The following CDH4 variants were observed in gnomAD, a reference collection of about 807,000 sequenced individuals.
The protein encoded by CDH4 is cadherin-4.
CDH4 carries 33 observed loss-of-function variants against 86.0 expected under a neutral mutation model. The observed-to-expected ratio is 0.38, with a 90% CI of 0.29 to 0.51. The LOEUF (loss-of-function observed/expected upper bound fraction) is 0.51, where lower values mean the gene tolerates loss of function less well. CDH4 is among the 20% of genes least tolerant of loss of function. The pLI is 0.86. For missense variants in CDH4, 1,114 were observed against 1,307.4 expected (o/e 0.85, Z 2.28); for synonymous variants, 555 against 549.4 (o/e 1.01, Z -0.14).
intron 2 of CDH4, among the ~76,000 whole-genome samples, chr20:61,444,477 G>A (rs1157402814): frequency 2.0e-5 from 3 of 151,658 alleles, no homozygotes; most frequent in Non-Finnish European, 2.9e-5. Flanking sequence ...CTGCATGAGT[G>A]TTTCTCTGTG....
rs1555859802 is a variant in CDH4, at chr20:61,923,773, T to TA, written c.1628+70dup. On this transcript the variant is annotated intron_variant, in intron 10 of 15. Coordinates refer to ENST00000614565, the MANE Select transcript of CDH4 (RefSeq NM_001794.5). ...GGTTCCATACAGAAGGGTCCAGAAA[T>TA]ACCCCATGAAACCCACAGCCCAGAA... is the stretch of plus-strand genomic sequence containing the variant. The TA allele has an allele frequency of 4.7e-6, 7 of 1,492,952 alleles. No individual in the cohort carries two copies. The Admixed American group carries it at 1.4e-4, about 29-fold the overall frequency. The allele number at this position is 1,492,952 out of a possible 1,614,324, so 92.5% of individuals were successfully genotyped here.
At chr20:61,928,947 T>C (rs1600786099) in intron 12 of CDH4, among the ~76,000 whole-genome samples, 2 of 152,270 alleles carry the variant, frequency 1.3e-5, no homozygotes, top group South Asian at 4.1e-4. Context: ...AAAGTCATTA[T>C]TTCCATTTGT....
intron 2 of CDH4, among the ~76,000 whole-genome samples, chr20:61,402,558 A>G (rs1436881237): frequency 6.6e-6 from 1 of 152,032 alleles, no homozygotes; most frequent in African/African-American, 2.4e-5. Flanking sequence ...TGCCCTGCTA[A>G]TTTTTGATTT....
At chr20:61,281,445 C>G (rs988577088) in intron 2 of CDH4, among the ~76,000 whole-genome samples, 3 of 152,228 alleles carry the variant, frequency 2.0e-5, no homozygotes, top group Non-Finnish European at 2.9e-5. Flanking sequence ...GACACGGAAC[C>G]TGCCGGCGCC....
intron 4 of CDH4, among the ~76,000 whole-genome samples, chr20:61,820,757 G>A (rs1343377585): frequency 6.6e-6 from 1 of 152,260 alleles, no homozygotes; most frequent in East Asian, 1.9e-4. Context: ...CCCCTCCCAA[G>A]ACCCTCATCA....
At chr20:61,804,167 A>T (rs1979995197) in intron 4 of CDH4, among the ~76,000 whole-genome samples, 1 of 152,234 alleles carries the variant, frequency 6.6e-6, no homozygotes, top group African/African-American at 2.4e-5. Flanking sequence ...TCCTGCCTGC[A>T]TGGCGGCCTG....
Position 61,743,545 on chromosome 20 carries a change from C to A in CDH4, c.170-18C>A. On this transcript the variant is annotated intron_variant, in intron 2 of 15. Transcript: ENST00000614565. ...TGCTGGCCAAGCCGACCCTGACTCT[C>A]TCCCCCTCCTCTTGCAGTCAAGTTC... is the stretch of plus-strand genomic sequence containing the variant. 1 of 1,548,592 alleles carries A rather than the reference C, an allele frequency of 6.5e-7. No individual in the cohort carries two copies. The highest frequency in any genetic ancestry group is 8.7e-7 in the Non-Finnish European group (1 of 1,143,206).
At chr20:61,859,409 G>T (rs1206994797) in intron 6 of CDH4, among the ~76,000 whole-genome samples, 1 of 152,218 alleles carries the variant, frequency 6.6e-6, no homozygotes, top group African/African-American at 2.4e-5. Context: ...AGGAAGTCCA[G>T]TTTATCCATG....
intron 2 of CDH4, among the ~76,000 whole-genome samples, chr20:61,331,698 G>GGCCCACCTCCTGCCCCGACCACCTGCCCC (rs1568801283): frequency 7.0e-6 from 1 of 143,012 alleles, no homozygotes; most frequent in Non-Finnish European, 1.5e-5. Context: ...ACCTGCCCCA[G>GGCCCACCTCCTGCCCCGACCACCTGCCCC]AGCCACCTCC....
intron 2 of CDH4, among the ~76,000 whole-genome samples, chr20:61,402,936 A>G (rs556895757): frequency 1.3e-5 from 2 of 152,338 alleles, no homozygotes; most frequent in East Asian, 1.9e-4. Flanking sequence ...ACATAGGACA[A>G]TAATCCACCC....
chr20:61,461,756 C>T (rs962920054), intron 2 of CDH4, among the ~76,000 whole-genome samples: 4 of 152,212 alleles, frequency 2.6e-5, no homozygotes, highest in East Asian at 1.9e-4. Context: ...TTGTCCCCAA[C>T]GGAGACGCAT....
intron 2 of CDH4, among the ~76,000 whole-genome samples, chr20:61,322,044 G>A (rs1317809802): frequency 6.6e-6 from 1 of 152,158 alleles, no homozygotes; most frequent in Non-Finnish European, 1.5e-5. Context: ...CCCCATGCTT[G>A]AGGTTACGTG....
chr20:61,868,206 G>C (rs1983635750), intron 6 of CDH4, among the ~76,000 whole-genome samples: 1 of 152,194 alleles, frequency 6.6e-6, no homozygotes, highest in African/African-American at 2.4e-5. Flanking sequence ...GTGCAGAGGG[G>C]GTTCGTCCAC....
chr20:61,852,175 GACAGGGCAC>G (rs1480300871), intron 5 of CDH4, among the ~76,000 whole-genome samples: 1 of 151,868 alleles, frequency 6.6e-6, no homozygotes, highest in Non-Finnish European at 1.5e-5. Flanking sequence ...CCCAAGAGCT[GACAGGGCAC>G]ACAGACGCAG....
intron 2 of CDH4, among the ~76,000 whole-genome samples, chr20:61,379,246 G>A (rs2084887495): frequency 6.6e-6 from 1 of 152,098 alleles, no homozygotes; most frequent in African/African-American, 2.4e-5. Flanking sequence ...AGATACAGAG[G>A]ATGCACGTGG....
At chr20:61,852,070 T>C (rs1272205051) in intron 5 of CDH4, among the ~76,000 whole-genome samples, 1 of 152,212 alleles carries the variant, frequency 6.6e-6, no homozygotes, top group Non-Finnish European at 1.5e-5. Flanking sequence ...ACCTCGAAGA[T>C]GGTTCCTGTG....
At chr20:61,355,777 A>G (rs918143672) in intron 2 of CDH4, among the ~76,000 whole-genome samples, 1 of 152,174 alleles carries the variant, frequency 6.6e-6, no homozygotes, top group Non-Finnish European at 1.5e-5. Context: ...TCATACATGC[A>G]CCTGCACACA....
rs34653479 is a variant in CDH4 at position 61,587,246 on chromosome 20, A to AG, written c.170-156311dup. ...AAGGTGAGGAAGGCTGAGCGCTTGA[A>AG]GGGGGGCCACTGAGTGACTGGACAG... is the stretch of plus-strand genomic sequence containing the variant. On this transcript the variant is annotated intron_variant, in intron 2 of 15. Coordinates refer to ENST00000614565, the MANE Select transcript of CDH4 (RefSeq NM_001794.5). Among the ~76,000 whole-genome samples the AG allele has an allele frequency of 1.1e-4, 16 of 152,184 alleles. No individual in the cohort carries two copies. In the East Asian group the frequency reaches 2.3e-3, roughly 22 times the overall value.
chr20:61,919,117 T>G (rs934601222), intron 9 of CDH4, among the ~76,000 whole-genome samples: 4 of 152,236 alleles, frequency 2.6e-5, no homozygotes, highest in Admixed American at 6.5e-5. Context: ...GTGATCCTCC[T>G]GCCTCAGCTT....
Sources: allele counts gnomAD v4.1 joint callset (sites outside exome capture counted in the v4.1 genomes callset), GRCh38; gene constraint gnomAD v4.1.1; transcripts MANE v1.5; gene names NCBI Gene and HGNC (gene_info 2026-07-23, HGNC 2026-07-21).